Variants in TOM1L2 observed in about 807,000 individuals in gnomAD.
TOM1L2 encodes the protein TOM1-like protein 2.
Under a neutral mutation model 67.9 loss-of-function variants are expected in TOM1L2, and 31 were observed. That is an observed-to-expected ratio of 0.46 (90% CI 0.34 to 0.62). The LOEUF (loss-of-function observed/expected upper bound fraction) is 0.62. Ranked by LOEUF, TOM1L2 falls within the 20% of genes least tolerant of loss-of-function variation. TOM1L2 has a pLI of 0.01. For missense variants in TOM1L2, 606 were observed against 663.5 expected, an observed-to-expected ratio of 0.91 and a Z score of 0.95; for synonymous variants, 256 against 254.0, an observed-to-expected ratio of 1.01 and a Z score of -0.07.
At chr17:17,891,172 A>G (rs973994590) in intron 4 of TOM1L2, among the ~76,000 whole-genome samples, 1 of 152,250 alleles carries the variant, frequency 6.6e-6, no homozygotes, top group Non-Finnish European at 1.5e-5. Context: ...CCCCATGGCC[A>G]GCACACACTG....
At chr17:17,924,636 T>C (rs1318503911) in intron 1 of TOM1L2, among the ~76,000 whole-genome samples, 3 of 152,078 alleles carry the variant, frequency 2.0e-5, no homozygotes, top group African/African-American at 7.2e-5. Context: ...TGGTGGTACA[T>C]GCCTGTAGTC....
At chr17:17,884,028 A>G (rs1053163417) in intron 5 of TOM1L2, among the ~76,000 whole-genome samples, 1 of 152,100 alleles carries the variant, frequency 6.6e-6, no homozygotes, top group Non-Finnish European at 1.5e-5. Flanking sequence ...TTAACCCTGA[A>G]GTGCCAAGCT....
At chr17:17,884,093 G>A (rs1160512915) in intron 5 of TOM1L2, among the ~76,000 whole-genome samples, 1 of 152,190 alleles carries the variant, frequency 6.6e-6, no homozygotes, top group African/African-American at 2.4e-5. Flanking sequence ...TTGGTGGGAT[G>A]CCCCTAAAGG....
intron 1 of TOM1L2, among the ~76,000 whole-genome samples, chr17:17,945,272 ACACAC>A (rs1418699863): frequency 9.3e-6 from 1 of 107,368 alleles, no homozygotes; most frequent in African/African-American, 4.4e-5. Context: ...ACACATACAC[ACACAC>A]ACACACACAC....
At chr17:17,847,806 G>C (rs1331168743) in intron 14 of TOM1L2, 23 bp from the exon 15 acceptor site, 7 of 1,613,496 alleles carry the variant, frequency 4.3e-6, no homozygotes, top group African/African-American at 1.3e-5. Context: ...CCAAGGCAAG[G>C]GTCAGGGTTG....
intron 10 of TOM1L2, 139 bp downstream of exon 10, chr17:17,866,157 C>T: frequency 9.3e-7 from 1 of 1,075,148 alleles, no homozygotes. Flanking sequence ...GTACAACTGG[C>T]TAGGACTCAG....
intron 1 of TOM1L2, among the ~76,000 whole-genome samples, chr17:17,941,826 A>C (rs1021390486): frequency 9.9e-5 from 15 of 152,212 alleles, no homozygotes; most frequent in African/African-American, 3.4e-4. Flanking sequence ...TTTTGCCTTA[A>C]AGAGTTTCAG....
chr17:17,908,501 C>T (rs2039194253), intron 1 of TOM1L2, among the ~76,000 whole-genome samples: 1 of 152,026 alleles, frequency 6.6e-6, no homozygotes, highest in Non-Finnish European at 1.5e-5. Context: ...ACACAGTGAA[C>T]CTGCAGAGGA....
At position 17,895,407 on chromosome 17, in the gene TOM1L2, T is replaced by C. The variant is rs530757856; in HGVS notation, c.217-1597A>G. Reference sequence around the variant, plus strand: ...TAGGTCCAAGCAAGTGGGCTTTACCTGGACAAAACATAGCCGTAAAGAAAG... The same window carrying C: ...TAGGTCCAAGCAAGTGGGCTTTACCCGGACAAAACATAGCCGTAAAGAAAG... On this transcript the variant is annotated intron_variant, in intron 3 of 14. Coordinates refer to ENST00000379504, the MANE Select transcript of TOM1L2 (RefSeq NM_001082968.2). 9.4e-4 allele frequency among the ~76,000 whole-genome samples: 143 copies of C among 152,314 alleles called. 1 individual carries two copies. The highest frequency in any genetic ancestry group is 3.2e-3 in the African/African-American group (133 of 41,576).
At chr17:17,925,346 A>G (rs926117120) in intron 1 of TOM1L2, among the ~76,000 whole-genome samples, 4 of 152,222 alleles carry the variant, frequency 2.6e-5, no homozygotes, top group Admixed American at 1.3e-4. Context: ...GCATATGGAT[A>G]ATGCCTGGAA....
intron 5 of TOM1L2, among the ~76,000 whole-genome samples, chr17:17,883,299 C>T (rs2037824465): frequency 6.6e-6 from 1 of 152,188 alleles, no homozygotes; most frequent in African/African-American, 2.4e-5. Flanking sequence ...AGTAATTATG[C>T]AATTTACCAA....
intron 7 of TOM1L2, 38 bp downstream of exon 7, chr17:17,879,589 T>G: frequency 6.5e-7 from 1 of 1,542,022 alleles, no homozygotes; most frequent in South Asian, 1.1e-5. Flanking sequence ...GTGGAAGAGC[T>G]GCCACCACAG....
chr17:17,954,750 G>T (rs920986341), intron 1 of TOM1L2, among the ~76,000 whole-genome samples: 1 of 152,186 alleles, frequency 6.6e-6, no homozygotes, highest in Non-Finnish European at 1.5e-5. Context: ...GTATTGAACT[G>T]GTCTAACTTA....
At chr17:17,908,628 A>C (rs1251822529) in intron 1 of TOM1L2, among the ~76,000 whole-genome samples, 3 of 152,216 alleles carry the variant, frequency 2.0e-5, no homozygotes, top group Admixed American at 2.0e-4. Flanking sequence ...ATGGGAAAGG[A>C]CTTCAATAGA....
At chr17:17,972,138 C>CCGCG in intron 1 of TOM1L2, 124 bp downstream of exon 1, 2 of 1,235,060 alleles carry the variant, frequency 1.6e-6, no homozygotes, top group Non-Finnish European at 2.2e-6. Flanking sequence ...GGAGTGGCAC[C>CCGCG]CGCGGCTGGC....
chr17:17,879,298 C>T (rs762181239), intron 7 of TOM1L2, among the ~76,000 whole-genome samples: 2 of 152,178 alleles, frequency 1.3e-5, no homozygotes, highest in African/African-American at 2.4e-5. Context: ...CATCAAAGCA[C>T]CTACAGTGGT....
rs1200553428 is a variant in TOM1L2 at position 17,958,387 on chromosome 17, T to C, written c.52+13875A>G. 6.6e-5 allele frequency among the ~76,000 whole-genome samples: 10 copies of C among 152,336 alleles called. No homozygotes were observed. In the East Asian group the frequency reaches 1.9e-3, roughly 29 times the overall value. Reference sequence around the variant, plus strand: ...AAACAGAAGACCATTGGTGATTTTATGAGCTAATTTCATTTAAACCATCAA... The same window carrying C: ...AAACAGAAGACCATTGGTGATTTTACGAGCTAATTTCATTTAAACCATCAA... On this transcript the variant is annotated intron_variant, in intron 1 of 14. Coordinates refer to ENST00000379504, the MANE Select transcript of TOM1L2 (RefSeq NM_001082968.2).
At chr17:17,907,909 T>C (rs2039169506) in intron 1 of TOM1L2, among the ~76,000 whole-genome samples, 1 of 152,230 alleles carries the variant, frequency 6.6e-6, no homozygotes, top group African/African-American at 2.4e-5. Flanking sequence ...ACTTAACTTC[T>C]AGGTGCCAAA....
chr17:17,875,403 C>G (rs2037374480), intron 7 of TOM1L2, among the ~76,000 whole-genome samples: 1 of 152,212 alleles, frequency 6.6e-6, no homozygotes, highest in Non-Finnish European at 1.5e-5. Flanking sequence ...TCAGCAGGCT[C>G]ACTTGGGAGA....
Sources: allele counts gnomAD v4.1 joint callset (sites outside exome capture counted in the v4.1 genomes callset), GRCh38; gene constraint gnomAD v4.1.1; transcripts MANE v1.5; gene names NCBI Gene and HGNC (gene_info 2026-07-23, HGNC 2026-07-21).